The following EPC1 variants were observed in gnomAD, a reference collection of about 807,000 sequenced individuals.
EPC1 encodes enhancer of polycomb 1.
A neutral mutation model predicts 98.4 loss-of-function variants in EPC1; 12 were observed. The ratio of observed to expected loss-of-function variants is 0.12; its 90% CI spans 0.08 to 0.20. EPC1 has a LOEUF of 0.20. EPC1 is among the 10% of genes least tolerant of loss of function. The pLI is 1.00. For synonymous variants in EPC1, 357 were observed against 363.9 expected, an observed-to-expected ratio of 0.98 and a Z score of 0.21; for missense variants, 729 against 990.5, an observed-to-expected ratio of 0.74 and a Z score of 3.54.
chr10:32,299,528 C>G (rs1352271318), intron 2 of EPC1, among the ~76,000 whole-genome samples: 1 of 123,754 alleles, frequency 8.1e-6, no homozygotes, highest in African/African-American at 3.1e-5. Flanking sequence ...GTATGTCCCC[C>G]TCCCCAAGCC....
intron 1 of EPC1, among the ~76,000 whole-genome samples, chr10:32,352,638 C>T (rs1039087507): frequency 3.3e-5 from 5 of 152,174 alleles, no homozygotes; most frequent in Non-Finnish European, 7.3e-5. Context: ...AAATAAGCCT[C>T]CCCCAGTCTT....
rs905619515 is a variant in EPC1 at position 32,345,119 on chromosome 10, A to T, written c.153+1644T>A. ...AACCAAAAGACAAGATTCTGCAGTC[A>T]CAAGTACTTTAATTTTTAAAAACAA... On this transcript the variant is annotated intron_variant, in intron 1 of 13. Coordinates refer to ENST00000319778, the MANE Select transcript of EPC1 (RefSeq NM_001272004.3). 7.2e-6 allele frequency: 7 copies of T among 968,126 alleles called. No homozygotes were observed. The African/African-American group carries it at 1.2e-4, about 17-fold the overall frequency. 60.0% of individuals were successfully genotyped at this position (968,126 alleles called of 1,614,324 possible).
In EPC1 at chr10:32,315,197, A is replaced by G. The variant is rs72791634; in HGVS notation, c.154-9266T>C. On this transcript the variant is annotated intron_variant, in intron 1 of 13. Coordinates refer to ENST00000319778, the MANE Select transcript of EPC1 (RefSeq NM_001272004.3). Reference sequence around the variant, plus strand: ...CTTTGTAATGGACTCATTGCCTGGTATAATATTTTGGCTTACTGTAGGCGC... The same window carrying G: ...CTTTGTAATGGACTCATTGCCTGGTGTAATATTTTGGCTTACTGTAGGCGC... Among the ~76,000 whole-genome samples, 1,306 of 152,288 alleles carry G rather than the reference A, an allele frequency of 8.6e-3. 6 individuals are homozygous for G. Among genetic ancestry groups the G allele is most frequent in the Non-Finnish European group, 0.014 (973 of 68,022 alleles).
At chr10:32,360,740 G>A (rs752798798) in intron 1 of EPC1, among the ~76,000 whole-genome samples, 3 of 151,994 alleles carry the variant, frequency 2.0e-5, no homozygotes, top group Non-Finnish European at 4.4e-5. Context: ...CTAAAAATAC[G>A]AAACTTAGCC....
At chr10:32,351,531 G>A (rs554103727), upstream of EPC1, among the ~76,000 whole-genome samples, 5 of 151,712 alleles carry the variant, frequency 3.3e-5, no homozygotes, top group South Asian at 4.2e-4. Context: ...GGTGGTGCAC[G>A]CCTGTAATCC....
chr10:32,309,536 A>G (rs1023776843), intron 1 of EPC1, among the ~76,000 whole-genome samples: 2 of 137,878 alleles, frequency 1.5e-5, no homozygotes, highest in African/African-American at 5.5e-5. Context: ...ACTCTCTCCT[A>G]TGCCAGTATT....
chr10:32,350,501 C>A (rs150283303), upstream of EPC1, among the ~76,000 whole-genome samples: 90 of 152,260 alleles, frequency 5.9e-4, no homozygotes, highest in African/African-American at 2.1e-3. Context: ...CATGGGGGAA[C>A]GCAACTGTAT....
At chr10:32,287,436 G>C (rs774364164) in intron 6 of EPC1, among the ~76,000 whole-genome samples, 162 bp from the exon 7 acceptor site, 4 of 152,150 alleles carry the variant, frequency 2.6e-5, no homozygotes, top group Admixed American at 6.5e-5. Flanking sequence ...GTAAAGTCTA[G>C]AGAAGTTGGC....
chr10:32,374,856 A>G (rs1352230290), intron 1 of EPC1, among the ~76,000 whole-genome samples: 1 of 152,140 alleles, frequency 6.6e-6, no homozygotes. Context: ...AGATGGGGGA[A>G]GATCTAGAAT....
At position 32,354,964 on chromosome 10, in the gene EPC1, GCTCCCA is replaced by G. The variant is rs1839228533; in HGVS notation, c.3+23521_3+23526del. On this transcript the variant is annotated intron_variant, in intron 1 of 13. Coordinates refer to the EPC1 transcript ENST00000375110. ...CTAGTTGCAGGAAAACAAGCTCAGG[GCTCCCA>G]CTGATTCTACATTATGGTGAGTTGT... 2.0e-5 allele frequency among the ~76,000 whole-genome samples: 3 copies of G among 152,036 alleles called. No individual in the cohort carries two copies. In the South Asian group the frequency reaches 6.2e-4, roughly 32 times the overall value.
intron 11 of EPC1, chr10:32,272,961 CT>C: frequency 6.9e-7 from 1 of 1,451,452 alleles, no homozygotes; most frequent in Non-Finnish European, 9.6e-7. Context: ...TAACTAAGTG[CT>C]TTAGTTTTAC....
chr10:32,364,770 T>C (rs1323132419), intron 1 of EPC1, among the ~76,000 whole-genome samples: 6 of 152,258 alleles, frequency 3.9e-5, no homozygotes, highest in Admixed American at 3.9e-4. Flanking sequence ...ATTTTCTAAC[T>C]ATATATTTAT....
intron 10 of EPC1, chr10:32,284,262 A>G (rs1485230268): frequency 6.5e-6 from 1 of 153,368 alleles, no homozygotes; most frequent in Non-Finnish European, 1.5e-5. Context: ...TTAACAAATT[A>G]TTCTGAATTA....
At chr10:32,349,783 A>G (rs1276739124), upstream of EPC1, among the ~76,000 whole-genome samples, 3 of 152,012 alleles carry the variant, frequency 2.0e-5, no homozygotes, top group Admixed American at 2.0e-4. Context: ...AATTTTTTCT[A>G]AAGACAGGGC....
At chr10:32,317,661 T>A (rs919245267) in intron 1 of EPC1, among the ~76,000 whole-genome samples, 2 of 151,906 alleles carry the variant, frequency 1.3e-5, no homozygotes, top group Non-Finnish European at 2.9e-5. Flanking sequence ...AAAGAAAAAA[T>A]TAAAATGAAC....
chr10:32,320,496 G>C (rs776361050), intron 1 of EPC1, among the ~76,000 whole-genome samples: 1 of 152,194 alleles, frequency 6.6e-6, no homozygotes, highest in Admixed American at 6.5e-5. Context: ...GCTGAACAAC[G>C]TCTTTACAGA....
At chr10:32,290,505 A>AAAAAGAAAGAAAG (rs1554819136) in intron 6 of EPC1, among the ~76,000 whole-genome samples, 27,160 of 74,630 alleles carry the variant, frequency 0.36, 6,811 homozygotes, top group Non-Finnish European at 0.47. Flanking sequence ...AAAAAAAAAA[A>AAAAAGAAAGAAAG]AAAGAAAGAA....
At chr10:32,329,856 T>C (rs918181690) in intron 1 of EPC1, among the ~76,000 whole-genome samples, 2 of 152,192 alleles carry the variant, frequency 1.3e-5, no homozygotes, top group African/African-American at 2.4e-5. Flanking sequence ...TGAAAGATGA[T>C]ATTATGAGAG....
At chr10:32,322,180 A>G (rs371079961) in intron 1 of EPC1, among the ~76,000 whole-genome samples, 4 of 151,494 alleles carry the variant, frequency 2.6e-5, no homozygotes, top group African/African-American at 9.7e-5. Flanking sequence ...CCTTACATGT[A>G]TCGCAGTTCG....
Sources: gnomAD v4.1 joint callset for allele counts (sites outside exome capture counted in the v4.1 genomes callset) on GRCh38, gnomAD v4.1.1 for gene constraint, MANE v1.5 for transcripts, NCBI Gene and HGNC (gene_info 2026-07-23, HGNC 2026-07-21) for gene names.